CHRM3: variants seen among roughly 807,000 people sequenced by gnomAD.
CHRM3 encodes cholinergic receptor muscarinic 3, also known as muscarinic acetylcholine receptor M3.
Under a neutral mutation model 41.8 loss-of-function variants are expected in CHRM3, and 11 were observed. The ratio of observed to expected loss-of-function variants is 0.26; its 90% CI spans 0.17 to 0.44. The LOEUF is 0.44. CHRM3 is among the 20% of genes least tolerant of loss of function. The pLI is 1.00. For missense variants in CHRM3, 571 were observed against 745.4 expected (o/e 0.77, Z 2.72); for synonymous variants, 297 against 301.4 (o/e 0.99, Z 0.15).
intron 3 of CHRM3, among the ~76,000 whole-genome samples, chr1:239,608,443 G>A (rs562633868): frequency 1.2e-3 from 181 of 152,190 alleles, no homozygotes; most frequent in African/African-American, 4.0e-3. Flanking sequence ...GAGCTGTTCT[G>A]AGAAAATTCT....
At chr1:239,609,087 T>C (rs781237491) in intron 3 of CHRM3, among the ~76,000 whole-genome samples, 8 of 152,214 alleles carry the variant, frequency 5.3e-5, no homozygotes, top group Non-Finnish European at 8.8e-5. Context: ...ATGAGTGTGT[T>C]CCACACTTTG....
At chr1:239,711,571 C>T (rs1347643707) in intron 5 of CHRM3, among the ~76,000 whole-genome samples, 2 of 151,922 alleles carry the variant, frequency 1.3e-5, no homozygotes. Flanking sequence ...CTTGAGGGGT[C>T]CTGAGGAGAG....
chr1:239,542,070 T>C (rs909050745), intron 2 of CHRM3, among the ~76,000 whole-genome samples: 3 of 152,102 alleles, frequency 2.0e-5, no homozygotes, highest in Admixed American at 6.6e-5. Flanking sequence ...GGGCATTTTT[T>C]AAAAAACCAT....
intron 2 of CHRM3, among the ~76,000 whole-genome samples, chr1:239,541,166 T>A (rs532533845): frequency 6.7e-6 from 1 of 148,724 alleles, no homozygotes; most frequent in African/African-American, 2.5e-5. Context: ...GGTACTCAGG[T>A]GAGCAAGAAC....
In CHRM3 at chr1:239,713,735, C is replaced by T. The variant is rs1456249132; in HGVS notation, c.-147+35447C>T. On this transcript the variant is annotated intron_variant, in intron 5 of 6. Transcript: ENST00000676153. ...ACCACTTGTCCCAGTTTGCTGGAGA[C>T]CTCTGCAGTTTACCTCTGTTGCTGA... Among the ~76,000 whole-genome samples, 10 of 152,278 alleles carry T rather than the reference C, an allele frequency of 6.6e-5. No individual in the cohort carries two copies. In the South Asian group the frequency reaches 2.1e-3, roughly 32 times the overall value.
chr1:239,461,521 T>C (rs886816796), intron 1 of CHRM3, among the ~76,000 whole-genome samples: 8 of 152,278 alleles, frequency 5.3e-5, no homozygotes, highest in African/African-American at 1.9e-4. Context: ...CCTTTACGTG[T>C]ATCTTCCTTC....
At chr1:239,655,739 T>A (rs1672653243) in intron 4 of CHRM3, among the ~76,000 whole-genome samples, 1 of 152,156 alleles carries the variant, frequency 6.6e-6, no homozygotes, top group African/African-American at 2.4e-5. Context: ...TTGAAACACC[T>A]CCCCTGTATG....
At chr1:239,861,033 G>A (rs1242254605) in intron 6 of CHRM3, among the ~76,000 whole-genome samples, 2 of 152,110 alleles carry the variant, frequency 1.3e-5, no homozygotes, top group Admixed American at 1.3e-4. Flanking sequence ...TCACTTAGCA[G>A]GAGGAACTAG....
chr1:239,555,848 A>T (rs1231024563), intron 3 of CHRM3, among the ~76,000 whole-genome samples: 1 of 152,066 alleles, frequency 6.6e-6, no homozygotes, highest in African/African-American at 2.4e-5. Context: ...GAAGCCAAAA[A>T]CCCTCATGTG....
chr1:239,619,437 A>G (rs1668108368), intron 3 of CHRM3, among the ~76,000 whole-genome samples: 1 of 152,156 alleles, frequency 6.6e-6, no homozygotes, highest in Admixed American at 6.5e-5. Flanking sequence ...TACATATAGA[A>G]CAAAATATAG....
At chr1:239,813,630 A>C (rs1671292921) in intron 5 of CHRM3, among the ~76,000 whole-genome samples, 1 of 151,872 alleles carries the variant, frequency 6.6e-6, no homozygotes, top group Admixed American at 6.6e-5. Context: ...CATCAAACTC[A>C]CAGTTGGCCG....
At chr1:239,444,891 C>G (rs962366260) in intron 1 of CHRM3, among the ~76,000 whole-genome samples, 2 of 152,056 alleles carry the variant, frequency 1.3e-5, no homozygotes, top group Non-Finnish European at 2.9e-5. Flanking sequence ...ATTATTTACC[C>G]ATAGGGGCGG....
chr1:239,726,544 G>A (rs1053860511), intron 5 of CHRM3, among the ~76,000 whole-genome samples: 13 of 151,874 alleles, frequency 8.6e-5, no homozygotes, highest in African/African-American at 3.1e-4. Flanking sequence ...AGGTTATCAG[G>A]TAGTTGTATC....
At chr1:239,482,787 A>G (rs1453014002) in intron 1 of CHRM3, among the ~76,000 whole-genome samples, 7 of 152,232 alleles carry the variant, frequency 4.6e-5, no homozygotes, top group Non-Finnish European at 1.0e-4. Context: ...CTTAGTGGCT[A>G]GAAATTAGTA....
At chr1:239,715,086 C>T (rs369291080) in intron 5 of CHRM3, among the ~76,000 whole-genome samples, 23 of 152,106 alleles carry the variant, frequency 1.5e-4, no homozygotes, top group African/African-American at 5.5e-4. Flanking sequence ...GAGTGGCTAA[C>T]AATATCAAAT....
intron 4 of CHRM3, among the ~76,000 whole-genome samples, chr1:239,654,359 C>T (rs533762739): frequency 3.3e-5 from 5 of 152,110 alleles, no homozygotes; most frequent in African/African-American, 7.2e-5. Flanking sequence ...GGGACCTTGA[C>T]GGTTCAATTC....
intron 4 of CHRM3, among the ~76,000 whole-genome samples, chr1:239,654,443 G>T (rs1205186708): frequency 1.3e-5 from 2 of 152,188 alleles, no homozygotes; most frequent in African/African-American, 2.4e-5. Flanking sequence ...CTGTCACCCA[G>T]GCTAGAGTGC....
At chr1:239,611,028 T>C (rs988043538) in intron 3 of CHRM3, among the ~76,000 whole-genome samples, 6 of 152,008 alleles carry the variant, frequency 3.9e-5, no homozygotes, top group African/African-American at 1.4e-4. Flanking sequence ...TCCAGCTTGG[T>C]GACAGAGCAA....
intron 4 of CHRM3, among the ~76,000 whole-genome samples, chr1:239,638,963 G>T (rs1436179497): frequency 6.6e-6 from 1 of 152,106 alleles, no homozygotes; most frequent in Non-Finnish European, 1.5e-5. Context: ...AAGGGATCCA[G>T]TTTCAGCTTT....
Sources: gnomAD v4.1 joint callset for allele counts (sites outside exome capture counted in the v4.1 genomes callset) on GRCh38, gnomAD v4.1.1 for gene constraint, MANE v1.5 for transcripts, NCBI Gene and HGNC (gene_info 2026-07-23, HGNC 2026-07-21) for gene names.